WDFY3: variants seen among roughly 807,000 people sequenced by gnomAD.
WDFY3 encodes the protein WD repeat and FYVE domain containing 3.
WDFY3 carries 66 observed loss-of-function variants against 409.6 expected under a neutral mutation model. The observed-to-expected ratio is 0.16, with a 90% CI of 0.13 to 0.20. The LOEUF (loss-of-function observed/expected upper bound fraction) is 0.20. Ranked by LOEUF, WDFY3 falls within the 10% of genes least tolerant of loss-of-function variation. WDFY3 has a pLI of 1.00. For missense variants in WDFY3, 3,031 were observed against 4,298.1 expected, an observed-to-expected ratio of 0.71 and a Z score of 8.24; for synonymous variants, 1,521 against 1,537.1, an observed-to-expected ratio of 0.99 and a Z score of 0.25.
intron 3 of WDFY3, among the ~76,000 whole-genome samples, chr4:84,875,263 AACACACACACACACACACACACACAC>A (rs58589086): frequency 7.3e-6 from 1 of 137,482 alleles, no homozygotes; most frequent in Non-Finnish European, 1.6e-5. Flanking sequence ...GCAAGACTCA[AACACACACACACACACACACACACAC>A]ACACACACAC....
At chr4:84,726,956 TAAAG>T in intron 44 of WDFY3, 45 bp from the exon 45 acceptor site, 1 of 1,520,256 alleles carries the variant, frequency 6.6e-7, no homozygotes, top group Non-Finnish European at 8.9e-7. Context: ...AAAAAAAACA[TAAAG>T]AGGAACACAA....
rs1277551939 is a variant in WDFY3 at position 84,808,368 on chromosome 4, A to C, written c.2395T>G (p.Ser799Ala). The change falls in exon 15 of 68, where the codon TCT (serine) becomes GCT (alanine). Residue 799 changes from serine (S) to alanine (A), a missense_variant. Physicochemically the swap from Ser to Ala is moderately conservative, Grantham distance 99. Coordinates refer to ENST00000295888, the MANE Select transcript of WDFY3 (RefSeq NM_014991.6). Reference sequence around the variant, plus strand: ...GACAAAGCTGGTGTACCCCAAGGAGAGGGGAGAGAAGACTCACTTGTCAGG... The same window carrying C: ...GACAAAGCTGGTGTACCCCAAGGAGCGGGGAGAGAAGACTCACTTGTCAGG... Reference protein sequence around the residue: ...PCLTSESSLPSPWGTPALSRK... With the variant: ...PCLTSESSLPAPWGTPALSRK... The C allele has an allele frequency of 6.2e-7, 1 of 1,613,866 alleles. No individual in the cohort carries two copies. Among genetic ancestry groups the C allele is most frequent in the Admixed American group, 1.7e-5 (1 of 59,998 alleles).
intron 67 of WDFY3, among the ~76,000 whole-genome samples, chr4:84,675,204 C>T (rs1283057835): frequency 2.0e-5 from 3 of 152,038 alleles, no homozygotes; most frequent in Non-Finnish European, 2.9e-5. Context: ...GATCAGCCCA[C>T]CTCAGCCTCC....
chr4:84,837,170 C>T (rs940441863), intron 6 of WDFY3, 80 bp from the exon 7 acceptor site: 59 of 1,234,528 alleles, frequency 4.8e-5, no homozygotes, highest in African/African-American at 1.6e-4. Context: ...AAATGTTAAC[C>T]CAAAAATTAT....
In WDFY3 at chr4:84,753,818, T is replaced by C. The variant is rs753511373; in HGVS notation, c.5618A>G (p.Gln1873Arg). The change falls in exon 35 of 68, where the codon CAG becomes CGG. Residue 1873 changes from glutamine (Q) to arginine (R), a missense_variant. Physicochemically the swap from Gln to Arg is conservative, Grantham distance 43. Transcript: ENST00000295888. ...GTTGTGATACAAATATCTGAAGAAC[T>C]GCATCAGGGTCACAGGATATTCTCG... ...WLREYPVTLM[Q>R]FFRYLYHNVP... 2 of 1,610,898 alleles carry C rather than the reference T, an allele frequency of 1.2e-6. No individual in the cohort carries two copies. Among genetic ancestry groups the C allele is most frequent in the South Asian group, 2.2e-5 (2 of 90,756 alleles).
At chr4:84,769,395 T>G (rs538024552) in intron 30 of WDFY3, among the ~76,000 whole-genome samples, 22 of 152,226 alleles carry the variant, frequency 1.4e-4, no homozygotes, top group African/African-American at 4.8e-4. Context: ...AACTATATTG[T>G]CTTTTTTTGC....
intron 7 of WDFY3, among the ~76,000 whole-genome samples, chr4:84,832,992 A>G (rs1391819439): frequency 6.6e-6 from 1 of 152,110 alleles, no homozygotes; most frequent in Non-Finnish European, 1.5e-5. Flanking sequence ...GTAATAGAGG[A>G]TATTAGAGTA....
intron 2 of WDFY3, among the ~76,000 whole-genome samples, chr4:84,918,207 T>C (rs546198771): frequency 6.6e-6 from 1 of 152,270 alleles, no homozygotes; most frequent in Admixed American, 6.5e-5. Flanking sequence ...CTCCTACATT[T>C]ATCCTGAAGA....
intron 2 of WDFY3, among the ~76,000 whole-genome samples, chr4:84,926,505 T>C (rs905185607): frequency 3.4e-4 from 52 of 152,198 alleles, no homozygotes; most frequent in Admixed American, 2.0e-3. Context: ...ACATCAAGTA[T>C]CTTTACTCAT....
intron 7 of WDFY3, among the ~76,000 whole-genome samples, chr4:84,833,486 G>T (rs1340770337): frequency 6.6e-6 from 1 of 151,942 alleles, no homozygotes; most frequent in African/African-American, 2.4e-5. Flanking sequence ...AGACCAGCCT[G>T]GGCAACATGG....
In WDFY3 at chr4:84,794,597, C is replaced by G; in HGVS notation, c.3409G>C (p.Val1137Leu). 1 of 1,613,954 alleles carries G rather than the reference C, an allele frequency of 6.2e-7. No homozygotes were observed. The highest frequency in any genetic ancestry group is 8.5e-7 in the Non-Finnish European group (1 of 1,180,000). The change falls in exon 21 of 68, where the codon GTG becomes CTG. Residue 1137 changes from valine to leucine, a missense_variant. Physicochemically the swap from Val to Leu is conservative, Grantham distance 32. Around this residue, in one of 16 missense-constraint regions of WDFY3, gnomAD observed 1,322 missense variants for 1,697.9 expected, o/e 0.78. Transcript: ENST00000295888. The stretch of plus-strand genomic sequence containing the variant: ...GCTGATAGAACTATTGCAAGGCACA[C>G]GTAATGTTGCTCAGAAGAATTTGCT... Reference protein sequence around the residue: ...RRANSSEQHYVCLAIVLSAKD... With the variant: ...RRANSSEQHYLCLAIVLSAKD...
At chr4:84,813,166 A>C (rs1381252054) in intron 13 of WDFY3, among the ~76,000 whole-genome samples, 2 of 152,152 alleles carry the variant, frequency 1.3e-5, no homozygotes, top group Admixed American at 1.3e-4. Context: ...GGTATATGTC[A>C]GTTGAATGGA....
chr4:84,720,194 A>G (rs748106162), intron 47 of WDFY3, among the ~76,000 whole-genome samples: 10 of 152,210 alleles, frequency 6.6e-5, no homozygotes, highest in Non-Finnish European at 1.2e-4. Flanking sequence ...GACGAGAAAG[A>G]AAGATACTGG....
At chr4:84,956,437 T>G (rs1774246891) in intron 1 of WDFY3, among the ~76,000 whole-genome samples, 2 of 152,210 alleles carry the variant, frequency 1.3e-5, no homozygotes, top group African/African-American at 2.4e-5. Context: ...AGCTCTCTAC[T>G]GGCAAGGGAA....
intron 49 of WDFY3, among the ~76,000 whole-genome samples, chr4:84,715,646 G>A (rs1438098088): frequency 6.6e-6 from 1 of 151,496 alleles, no homozygotes; most frequent in Non-Finnish European, 1.5e-5. Flanking sequence ...TTGGTGGCGG[G>A]TACCTGTAGT....
chr4:84,804,340 G>A (rs934781859), intron 15 of WDFY3, among the ~76,000 whole-genome samples: 1 of 152,166 alleles, frequency 6.6e-6, no homozygotes, highest in East Asian at 1.9e-4. Context: ...CTGTCACAGA[G>A]AGCAATGCAG....
At chr4:84,856,390 A>T (rs1220537503) in intron 4 of WDFY3, among the ~76,000 whole-genome samples, 1 of 152,234 alleles carries the variant, frequency 6.6e-6, no homozygotes, top group African/African-American at 2.4e-5. Context: ...ATTTTTAGAC[A>T]ACTAAAATGC....
At chr4:84,704,655 C>T (rs1731619384) in intron 54 of WDFY3, among the ~76,000 whole-genome samples, 1 of 152,090 alleles carries the variant, frequency 6.6e-6, no homozygotes. Flanking sequence ...AATTCAATGG[C>T]CTATTCCCAC....
rs549013294 is a variant in WDFY3, at chr4:84,899,358, G to A, written c.-131-2348C>T. Among the ~76,000 whole-genome samples the A allele has an allele frequency of 9.9e-5, 15 of 152,278 alleles. No individual in the cohort carries two copies. The East Asian group carries it at 2.5e-3, about 25-fold the overall frequency. On this transcript the variant is annotated intron_variant, in intron 2 of 67. Coordinates refer to ENST00000295888, the MANE Select transcript of WDFY3 (RefSeq NM_014991.6). Reference sequence around the variant, plus strand: ...CTTATAAATTAGGTGAGCTTGCTGCGTGAACTATAACGTCTGAGTTCAAAA... The same window carrying A: ...CTTATAAATTAGGTGAGCTTGCTGCATGAACTATAACGTCTGAGTTCAAAA...
Sources: allele counts gnomAD v4.1 joint callset (sites outside exome capture counted in the v4.1 genomes callset), GRCh38; gene constraint gnomAD v4.1.1; regional missense constraint gnomAD v4.1.1; transcripts MANE v1.5; gene names NCBI Gene and HGNC (gene_info 2026-07-23, HGNC 2026-07-21).